SCML2: variants seen among roughly 807,000 people sequenced by gnomAD.
The protein encoded by SCML2 is Scm polycomb group protein like 2, also known as sex comb on midleg-like protein 2.
A neutral mutation model predicts 48.4 loss-of-function variants in SCML2; 6 were observed. The observed-to-expected ratio is 0.12, with a 90% CI of 0.07 to 0.24. The LOEUF is 0.24. Among genes scored for constraint, SCML2 ranks in the 10% least tolerant of loss-of-function variants. The pLI is 1.00. For missense variants in SCML2, 377 were observed against 528.2 expected (o/e 0.71, Z 2.81); for synonymous variants, 181 against 189.5 (o/e 0.95, Z 0.37).
intron 3 of SCML2, among the ~76,000 whole-genome samples, chrX:18,327,382 C>CA (rs2147547081): frequency 9.0e-6 from 1 of 110,784 alleles, no homozygotes; most frequent in African/African-American, 3.3e-5. Context: ...ACAACAACAA[C>CA]AAAAAAAGAA....
At chrX:18,242,268 C>T (rs910060617) in intron 14 of SCML2, among the ~76,000 whole-genome samples, 171 bp downstream of exon 14, 13 of 111,623 alleles carry the variant, frequency 1.2e-4, no homozygotes, top group African/African-American at 4.2e-4. Context: ...AAAGAACAGA[C>T]CATTAATCTA....
At position 18,344,180 on chromosome X, in the gene SCML2, A is replaced by C. The variant is rs754240875; in HGVS notation, c.-24-10085T>G. Among the ~76,000 whole-genome samples, 4 of 110,445 alleles carry C rather than the reference A, an allele frequency of 3.6e-5. No homozygotes were observed. In the South Asian group the frequency reaches 1.5e-3, roughly 42 times the overall value. The stretch of plus-strand genomic sequence containing the variant: ...GAGACCCTGTCTCTAAAAAAAAAAT[A>C]ATAAAATAATAAATACATAAATAAC... On this transcript the variant is annotated intron_variant, in intron 1 of 14. Transcript: ENST00000251900.
At chrX:18,327,796 A>C (rs189162168) in intron 3 of SCML2, among the ~76,000 whole-genome samples, 1 of 111,611 alleles carries the variant, frequency 9.0e-6, no homozygotes, top group South Asian at 3.7e-4. Context: ...CATCTTGATA[A>C]AACTGTTCAT....
intron 6 of SCML2, among the ~76,000 whole-genome samples, chrX:18,316,376 G>C (rs1387976674): frequency 9.0e-6 from 1 of 111,728 alleles, no homozygotes; most frequent in East Asian, 2.8e-4. Flanking sequence ...GAGACAGAGT[G>C]AGACTCTGTC....
At chrX:18,260,528 T>C (rs768306503) in intron 8 of SCML2, among the ~76,000 whole-genome samples, 2 of 110,964 alleles carry the variant, frequency 1.8e-5, no homozygotes, top group East Asian at 5.6e-4. Flanking sequence ...GGATTCCCTG[T>C]CCTACCCCTG....
intron 8 of SCML2, among the ~76,000 whole-genome samples, chrX:18,264,459 G>C (rs897449767): frequency 9.5e-6 from 1 of 104,883 alleles, no homozygotes; most frequent in Non-Finnish European, 2.0e-5. Context: ...GTGTGTGTGT[G>C]TGTGTGTGTG....
intron 10 of SCML2, 130 bp downstream of exon 10, chrX:18,257,914 G>A (rs1926907459): frequency 4.7e-6 from 2 of 425,081 alleles, no homozygotes; most frequent in Non-Finnish European, 8.0e-6. Flanking sequence ...AAAGAAGAAA[G>A]GGCGGGGGAG....
At chrX:18,327,110 C>T (rs1403499968) in intron 3 of SCML2, among the ~76,000 whole-genome samples, 1 of 110,646 alleles carries the variant, frequency 9.0e-6, no homozygotes, top group Non-Finnish European at 1.9e-5. Flanking sequence ...GTGGCTCACT[C>T]CTGTAATCCC....
chrX:18,251,312 A>G (rs1348478689), intron 11 of SCML2, among the ~76,000 whole-genome samples: 15 of 100,061 alleles, frequency 1.5e-4, no homozygotes, highest in Non-Finnish European at 2.2e-4. Flanking sequence ...TCCATTGCAA[A>G]AAAAAAAAAA....
At chrX:18,347,550 G>A (rs1464311621) in intron 1 of SCML2, among the ~76,000 whole-genome samples, 4 of 106,921 alleles carry the variant, frequency 3.7e-5, no homozygotes, top group Non-Finnish European at 5.8e-5. Flanking sequence ...TCTGAAGTTC[G>A]AGACCAGCCT....
chrX:18,341,508 C>T (rs1275164323), intron 1 of SCML2, among the ~76,000 whole-genome samples: 1 of 111,627 alleles, frequency 9.0e-6, no homozygotes, highest in Admixed American at 9.6e-5. Context: ...AATCAGACTG[C>T]CAAATTCTCT....
intron 7 of SCML2, among the ~76,000 whole-genome samples, chrX:18,273,784 C>A (rs923393054): frequency 2.7e-5 from 3 of 110,879 alleles, no homozygotes; most frequent in African/African-American, 9.9e-5. Context: ...CCCCTTACCC[C>A]CCATCCTGTG....
chrX:18,298,511 G>A (rs1029238835), intron 7 of SCML2, among the ~76,000 whole-genome samples: 9 of 112,176 alleles, frequency 8.0e-5, no homozygotes, highest in African/African-American at 2.3e-4. Context: ...ATTGGGACAC[G>A]GACACCGTTT....
At chrX:18,337,231 G>A (rs1391089001) in intron 1 of SCML2, among the ~76,000 whole-genome samples, 1 of 102,513 alleles carries the variant, frequency 9.8e-6, no homozygotes, top group East Asian at 3.1e-4. Flanking sequence ...GAACATGGGA[G>A]GTGGAGGTTG....
intron 7 of SCML2, among the ~76,000 whole-genome samples, chrX:18,298,327 A>T (rs1352357316): frequency 8.9e-6 from 1 of 111,892 alleles, no homozygotes; most frequent in East Asian, 2.8e-4. Flanking sequence ...CTGAGCAAAA[A>T]AAAGAGAGCA....
chrX:18,299,781 A>C (rs1057367603), intron 7 of SCML2, among the ~76,000 whole-genome samples: 51 of 107,245 alleles, frequency 4.8e-4, no homozygotes, highest in Admixed American at 4.5e-3. Flanking sequence ...TTTGTTGCCC[A>C]GGCTGTAGTG....
Position 18,258,185 on chromosome X carries a change from G to C in SCML2, c.1132C>G (p.Gln378Glu). The C allele has an allele frequency of 7.4e-6, 9 of 1,211,679 alleles. No homozygotes were observed. Among genetic ancestry groups the C allele is most frequent in the Non-Finnish European group, 1.0e-5 (9 of 895,194 alleles). ...GPHLDPKRIQQLPDHFGPGPV... is the reference protein window; with the variant it reads ...GPHLDPKRIQELPDHFGPGPV... ...CCCGGGCCGAAGTGGTCAGGCAGCT[G>C]CTGGATTCTCTTGGGATCCAGATGA... is the stretch of plus-strand genomic sequence containing the variant. Residue 378 changes from glutamine (Q) to glutamate (E), a missense_variant, in exon 10 of 15, where the codon CAG becomes GAG. Transcript: ENST00000251900.
intron 12 of SCML2, among the ~76,000 whole-genome samples, chrX:18,247,561 AT>A (rs755681817): frequency 9.0e-6 from 1 of 110,705 alleles, no homozygotes; most frequent in African/African-American, 3.3e-5. Flanking sequence ...GGTTATTACA[AT>A]TTTTTTTTAA....
intron 7 of SCML2, among the ~76,000 whole-genome samples, chrX:18,267,143 G>C (rs1194355744): frequency 8.9e-6 from 1 of 111,904 alleles, no homozygotes; most frequent in Non-Finnish European, 1.9e-5. Context: ...AATGGCTGTA[G>C]TTGGCAATTT....
Sources: allele counts gnomAD v4.1 joint callset (sites outside exome capture counted in the v4.1 genomes callset), GRCh38; gene constraint gnomAD v4.1.1; transcripts MANE v1.5; gene names NCBI Gene and HGNC (gene_info 2026-07-23, HGNC 2026-07-21).